Variants in LAMA1 observed in about 807,000 individuals in gnomAD.
LAMA1 encodes the protein laminin subunit alpha 1.
A neutral mutation model predicts 348.7 loss-of-function variants in LAMA1; 219 were observed. The observed-to-expected ratio is 0.63, with a 90% CI of 0.56 to 0.70. The LOEUF is 0.70. LAMA1 is among the 30% of genes least tolerant of loss of function. The pLI, the probability that LAMA1 is intolerant of heterozygous loss-of-function variation, is 0.00. For synonymous variants in LAMA1, 1,487 were observed against 1,491.0 expected (o/e 1.00, Z 0.06); for missense variants, 3,744 against 3,888.0 (o/e 0.96, Z 0.99).
intron 1 of LAMA1, among the ~76,000 whole-genome samples, chr18:7,083,449 G>A (rs2058201746): frequency 6.6e-6 from 1 of 151,910 alleles, no homozygotes. Flanking sequence ...GCCTCCCAAA[G>A]TGCTGGGATT....
intron 19 of LAMA1, among the ~76,000 whole-genome samples, chr18:7,018,336 CA>C (rs764975447): frequency 0.015 from 670 of 44,164 alleles, no homozygotes; most frequent in East Asian, 0.035. Flanking sequence ...AACTCCATCT[CA>C]AAAAAAAAAA....
intron 1 of LAMA1, among the ~76,000 whole-genome samples, chr18:7,089,004 A>T (rs1312575695): frequency 6.6e-6 from 1 of 151,262 alleles, no homozygotes; most frequent in African/African-American, 2.4e-5. Flanking sequence ...CTTTGTCTCT[A>T]AAAAAAACAG....
At chr18:7,012,261 T>A in intron 23 of LAMA1, 123 bp from the exon 24 acceptor site, 1 of 1,081,838 alleles carries the variant, frequency 9.2e-7, no homozygotes. Flanking sequence ...CAAACATTAG[T>A]TTCCTCTAGC....
chr18:7,040,282 G>A (rs748241482), intron 9 of LAMA1, 46 bp from the exon 10 acceptor site: 7 of 1,602,806 alleles, frequency 4.4e-6, no homozygotes, highest in Non-Finnish European at 6.0e-6. Flanking sequence ...GGCAAAAGAG[G>A]TTTAAAGCAG....
At chr18:7,048,250 C>T (rs1227279579) in intron 5 of LAMA1, among the ~76,000 whole-genome samples, 1 of 152,072 alleles carries the variant, frequency 6.6e-6, no homozygotes, top group Non-Finnish European at 1.5e-5. Flanking sequence ...ACATTGTCAA[C>T]ATTAGTCAGC....
chr18:6,965,362 A>T lies in LAMA1; in HGVS notation c.7121T>A (p.Ile2374Asn). Residue 2374 changes from isoleucine (I) to asparagine (N), a missense_variant, in exon 50 of 63, where the codon ATT (isoleucine) becomes AAT (asparagine). Transcript: ENST00000389658. ...KVMTDLGSGP[I>N]TLLTDRRYNN... ...ATAACGTCTGTCTGTCAAAAGGGTA[A>T]TGGGTCCTGAACCCAGGTCAGTCAT... is the stretch of plus-strand genomic sequence containing the variant. The T allele has an allele frequency of 6.2e-7, 1 of 1,614,172 alleles. No individual in the cohort carries two copies. Among genetic ancestry groups the T allele is most frequent in the Non-Finnish European group, 8.5e-7 (1 of 1,180,016 alleles).
chr18:6,957,599 T>C (rs899543526), intron 55 of LAMA1, among the ~76,000 whole-genome samples: 1 of 152,174 alleles, frequency 6.6e-6, no homozygotes, highest in Admixed American at 6.5e-5. Flanking sequence ...TTCAATTTCC[T>C]GATGCCCAGG....
chr18:7,091,342 T>TA (rs1399385553), intron 1 of LAMA1, among the ~76,000 whole-genome samples: 1 of 152,140 alleles, frequency 6.6e-6, no homozygotes, highest in African/African-American at 2.4e-5. Context: ...AGGTGAAAAA[T>TA]AAAAAAGCAA....
intron 29 of LAMA1, among the ~76,000 whole-genome samples, chr18:7,004,896 G>A (rs1245850785): frequency 3.9e-5 from 6 of 152,192 alleles, no homozygotes. Context: ...CTATATTGAT[G>A]GGAAGAGTTC....
chr18:7,059,511 G>GA (rs1181825823), intron 3 of LAMA1, among the ~76,000 whole-genome samples: 5 of 152,180 alleles, frequency 3.3e-5, no homozygotes, highest in Non-Finnish European at 5.9e-5. Flanking sequence ...ATCCAGACAG[G>GA]AATGTTCATG....
intron 3 of LAMA1, among the ~76,000 whole-genome samples, chr18:7,068,094 C>G (rs1414109099): frequency 1.3e-5 from 2 of 152,150 alleles, no homozygotes; most frequent in African/African-American, 2.4e-5. Context: ...CTCAGGTAAT[C>G]CACCTGCCTC....
intron 26 of LAMA1, 65 bp from the exon 27 acceptor site, chr18:7,009,431 A>T (rs1011712848): frequency 6.4e-7 from 1 of 1,553,248 alleles, no homozygotes; most frequent in Non-Finnish European, 8.8e-7. Flanking sequence ...TAAAACTTAT[A>T]AAGAATAAAT....
At chr18:7,117,261 C>A (rs1367778632) in intron 1 of LAMA1, among the ~76,000 whole-genome samples, 5 of 151,842 alleles carry the variant, frequency 3.3e-5, no homozygotes, top group Non-Finnish European at 7.4e-5. Context: ...GGCCAACAGC[C>A]CCGCCACCCC....
At chr18:6,951,851 G>C (rs2057548265) in intron 57 of LAMA1, among the ~76,000 whole-genome samples, 1 of 152,164 alleles carries the variant, frequency 6.6e-6, no homozygotes, top group African/African-American at 2.4e-5. Context: ...TAGCCCCTAG[G>C]CTTGGGCCTT....
rs745539055 is a variant in LAMA1, at chr18:7,008,508, T to A, written c.4102A>T (p.Thr1368Ser). 87 of 1,613,994 alleles carry A rather than the reference T, an allele frequency of 5.4e-5. No homozygotes were observed. The highest frequency in any genetic ancestry group is 7.2e-5 in the Non-Finnish European group (85 of 1,179,994). ...CGTACCTGACATGAGAATCCCACAG[T>A]GCCAGGAGGACAGACACAATTCTCT... is the stretch of plus-strand genomic sequence containing the variant. ...LLENCVCPPG[T>S]VGFSCQDCAP... Residue 1368 changes from threonine (T) to serine (S), a missense_variant, in exon 28 of 63, where the codon ACT (threonine) becomes TCT (serine). Around this residue, in one of 3 missense-constraint regions of LAMA1, gnomAD observed 1,983 missense variants for 1,934.3 expected, o/e 1.03. Coordinates refer to ENST00000389658, the MANE Select transcript of LAMA1 (RefSeq NM_005559.4).
chr18:7,089,310 C>T (rs1209410601), intron 1 of LAMA1, among the ~76,000 whole-genome samples: 3 of 151,910 alleles, frequency 2.0e-5, no homozygotes, highest in African/African-American at 7.3e-5. Flanking sequence ...ACCCAGGAGG[C>T]GGACATTGCA....
intron 3 of LAMA1, among the ~76,000 whole-genome samples, chr18:7,063,188 T>C (rs1179769434): frequency 6.6e-6 from 1 of 152,196 alleles, no homozygotes; most frequent in Admixed American, 6.5e-5. Context: ...AAGTATTGTT[T>C]CTTGTGAGTG....
chr18:6,980,457 G>A (rs1428115108), intron 42 of LAMA1, 64 bp downstream of exon 42: 1 of 1,113,170 alleles, frequency 9.0e-7, no homozygotes, highest in East Asian at 2.4e-5. Context: ...ACTTCCTTAT[G>A]TTCCTGAGTG....
At chr18:6,948,072 G>T (rs1382371040) in intron 60 of LAMA1, among the ~76,000 whole-genome samples, 2 of 152,210 alleles carry the variant, frequency 1.3e-5, no homozygotes, top group African/African-American at 4.8e-5. Flanking sequence ...ATTTTATGCT[G>T]CTGATTTTTA....
Sources: gnomAD v4.1 joint callset for allele counts (sites outside exome capture counted in the v4.1 genomes callset) on GRCh38, gnomAD v4.1.1 for gene constraint, gnomAD v4.1.1 regional missense constraint, MANE v1.5 for transcripts, NCBI Gene and HGNC (gene_info 2026-07-23, HGNC 2026-07-21) for gene names.